Variants in BLTP1 observed in about 807,000 individuals in gnomAD.
BLTP1 encodes the protein fragile site-associated protein.
chr4:122,199,061 T>C, the BLTP1 span, among the ~76,000 whole-genome samples: 1 of 152,144 alleles, frequency 6.6e-6, no homozygotes, highest in Non-Finnish European at 1.5e-5. Flanking sequence ...AGAAGAAAAG[T>C]AGTTGTGTTC....
the BLTP1 span, chr4:122,254,805 G>A: frequency 6.5e-7 from 1 of 1,539,078 alleles, no homozygotes; most frequent in Admixed American, 2.2e-5. Context: ...TGTTAAAAAG[G>A]CAGCTGAACC....
the BLTP1 span, among the ~76,000 whole-genome samples, chr4:122,303,088 G>T: frequency 6.6e-6 from 1 of 152,222 alleles, no homozygotes; most frequent in African/African-American, 2.4e-5. Flanking sequence ...CAGCTAGAGA[G>T]AAATCAATGC....
At chr4:122,303,201 T>G in the BLTP1 span, among the ~76,000 whole-genome samples, 200 of 152,312 alleles carry the variant, frequency 1.3e-3, no homozygotes, top group Non-Finnish European at 2.2e-3. Context: ...CTAGGGCCTT[T>G]AAGAATTACG....
chr4:122,319,709 T>C, the BLTP1 span, among the ~76,000 whole-genome samples: 1 of 151,832 alleles, frequency 6.6e-6, no homozygotes, highest in Non-Finnish European at 1.5e-5. Context: ...CCTGGCTAAT[T>C]TTTGTATTTT....
chr4:122,263,450 G>A, the BLTP1 span: 1 of 1,595,938 alleles, frequency 6.3e-7, no homozygotes, highest in South Asian at 1.1e-5. Context: ...AGGAAATACA[G>A]TAGCCACTGA....
the BLTP1 span, among the ~76,000 whole-genome samples, chr4:122,192,823 G>A: frequency 1.3e-5 from 2 of 152,054 alleles, no homozygotes; most frequent in Non-Finnish European, 2.9e-5. Context: ...GTAAGTAAAG[G>A]GTCTTCATGA....
At chr4:122,323,972 AGAGT>A in the BLTP1 span, among the ~76,000 whole-genome samples, 1 of 152,002 alleles carries the variant, frequency 6.6e-6, no homozygotes, top group Non-Finnish European at 1.5e-5. Context: ...AGAGACAGGG[AGAGT>A]GTTAAGTCAT....
the BLTP1 span, chr4:122,348,420 G>A: frequency 1.5e-6 from 1 of 660,564 alleles, no homozygotes; most frequent in Non-Finnish European, 2.5e-6. Context: ...TTATTTTAGA[G>A]GCAATAGGAT....
At chr4:122,197,836 T>G in the BLTP1 span, 1 of 325,960 alleles carries the variant, frequency 3.1e-6, no homozygotes, top group East Asian at 1.7e-4. Context: ...ACTTGAAATA[T>G]GGGCACTGAC....
chr4:122,182,567 C>T, the BLTP1 span: 2 of 803,504 alleles, frequency 2.5e-6, no homozygotes, highest in African/African-American at 3.7e-5. Flanking sequence ...ATCCTACTCA[C>T]TCATCATCAT....
the BLTP1 span, chr4:122,297,938 G>C: frequency 2.0e-5 from 3 of 153,714 alleles, no homozygotes; most frequent in African/African-American, 7.2e-5. Context: ...GCATCAGGAA[G>C]AATAGCTAAT....
At chr4:122,239,744 C>T in the BLTP1 span, 1 of 1,614,154 alleles carries the variant, frequency 6.2e-7, no homozygotes, top group East Asian at 2.2e-5. Flanking sequence ...ATGTACTAGA[C>T]TCACCAAAGC....
chr4:122,198,822 G>A, the BLTP1 span, among the ~76,000 whole-genome samples: 1 of 152,164 alleles, frequency 6.6e-6, no homozygotes, highest in African/African-American at 2.4e-5. Flanking sequence ...GCAGAATGCA[G>A]GATGCATGTG....
At chr4:122,181,176 A>G in the BLTP1 span, 6,454 of 411,138 alleles carry the variant, frequency 0.016, 167 homozygotes, top group African/African-American at 0.08. Flanking sequence ...TATAAAGCAG[A>G]TCACTAATTT....
chr4:122,348,663 A>T, the BLTP1 span: 2 of 1,612,420 alleles, frequency 1.2e-6, no homozygotes, highest in South Asian at 1.1e-5. Context: ...TTTGCTATCA[A>T]CTTGAAGCAA....
At chr4:122,206,294 A>G in the BLTP1 span, among the ~76,000 whole-genome samples, 2 of 151,944 alleles carry the variant, frequency 1.3e-5, no homozygotes, top group African/African-American at 4.8e-5. Flanking sequence ...AAGTTCAGTG[A>G]AAGCGAGATA....
At chr4:122,220,303 T>G in the BLTP1 span, 1 of 1,606,224 alleles carries the variant, frequency 6.2e-7, no homozygotes, top group Non-Finnish European at 8.5e-7. Flanking sequence ...CTTTTCTGCA[T>G]TTCAACTGTG....
the BLTP1 span, chr4:122,336,865 C>A: frequency 1.3e-6 from 2 of 1,584,538 alleles, no homozygotes; most frequent in East Asian, 2.3e-5. Context: ...AAAACTTAAC[C>A]AAATATTTTA....
the BLTP1 span, chr4:122,204,302 G>A: frequency 2.7e-5 from 26 of 974,246 alleles, no homozygotes; most frequent in Non-Finnish European, 2.8e-5. Context: ...GAGAAAGTAA[G>A]GAAAGACACT....
Sources: gnomAD v4.1 joint callset for allele counts (sites outside exome capture counted in the v4.1 genomes callset) on GRCh38, gnomAD v4.1.1 for gene constraint, MANE v1.5 for transcripts, NCBI Gene and HGNC (gene_info 2026-07-23, HGNC 2026-07-21) for gene names.